TLN2: variants seen among roughly 807,000 people sequenced by gnomAD.
TLN2 encodes talin 2.
TLN2 carries 118 observed loss-of-function variants against 294.7 expected under a neutral mutation model. The observed-to-expected ratio is 0.40, with a 90% CI of 0.34 to 0.47. The LOEUF (loss-of-function observed/expected upper bound fraction) is 0.47, where lower values mean the gene tolerates loss of function less well. Ranked by LOEUF, TLN2 falls within the 20% of genes least tolerant of loss-of-function variation. The probability of loss-of-function intolerance (pLI) is 0.84; values close to 1 mark genes in which losing one functional copy is unlikely to be tolerated. For missense variants in TLN2, 3,083 were observed against 3,282.2 expected (o/e 0.94, Z 1.48); for synonymous variants, 1,431 against 1,304.5 (o/e 1.10, Z -2.09).
chr15:62,447,650 C>A (rs954528411), intron 1 of TLN2, among the ~76,000 whole-genome samples: 1 of 151,968 alleles, frequency 6.6e-6, no homozygotes, highest in East Asian at 1.9e-4. Context: ...CCCGCCACCA[C>A]GCCCGGCTAA....
At chr15:62,483,095 C>T (rs2038198313) in intron 1 of TLN2, among the ~76,000 whole-genome samples, 1 of 152,204 alleles carries the variant, frequency 6.6e-6, no homozygotes, top group South Asian at 2.1e-4. Context: ...AGGGAAGCTC[C>T]TTTGCTGGCT....
intron 57 of TLN2, 138 bp from the exon 58 acceptor site, chr15:62,838,716 ACT>A (rs1408026316): frequency 5.5e-6 from 6 of 1,088,482 alleles, no homozygotes; most frequent in Admixed American, 2.8e-5. Flanking sequence ...ACAGATGGGT[ACT>A]CTCTGGCTAC....
intron 26 of TLN2, among the ~76,000 whole-genome samples, chr15:62,724,385 A>T (rs542844586): frequency 1.6e-4 from 24 of 152,244 alleles, no homozygotes; most frequent in Non-Finnish European, 2.6e-4. Flanking sequence ...ATATAATTAT[A>T]TGTGCATGTG....
At position 62,686,753 on chromosome 15, in the gene TLN2, C is replaced by G; in HGVS notation, c.1070C>G (p.Thr357Ser). The G allele has an allele frequency of 2.5e-6, 4 of 1,613,738 alleles. No homozygotes were observed. The highest frequency in any genetic ancestry group is 2.2e-5 in the South Asian group (2 of 91,054). ...GAAGTGCTGCAGGAGTGGCCCCTCA[C>G]CACCGTCAAGCGCTGGGCAGCCTCA... Reference protein sequence around the residue: ...TKEVLQEWPLTTVKRWAASPK... With the variant: ...TKEVLQEWPLSTVKRWAASPK... Residue 357 changes from threonine (T) to serine (S), a missense_variant, in exon 12 of 59, where the codon ACC becomes AGC. Coordinates refer to ENST00000636159, the MANE Select transcript of TLN2 (RefSeq NM_015059.3).
intron 6 of TLN2, among the ~76,000 whole-genome samples, chr15:62,652,430 T>C (rs1300028824): frequency 6.6e-6 from 1 of 152,224 alleles, no homozygotes; most frequent in Non-Finnish European, 1.5e-5. Flanking sequence ...CTATTCTATA[T>C]GAGCACTCTA....
intron 2 of TLN2, among the ~76,000 whole-genome samples, chr15:62,599,783 T>C (rs377338757): frequency 4.6e-5 from 7 of 152,296 alleles, no homozygotes; most frequent in African/African-American, 1.7e-4. Flanking sequence ...GGAGAGGTTG[T>C]TGCCGGCACA....
intron 38 of TLN2, 112 bp from the exon 39 acceptor site, chr15:62,762,160 C>G (rs2062719467): frequency 3.2e-6 from 4 of 1,243,572 alleles, no homozygotes; most frequent in Non-Finnish European, 3.4e-6. Context: ...CCCTCTTTGT[C>G]TCCTTCAAAG....
Position 62,704,503 on chromosome 15 carries a change from A to G in TLN2, c.2004+1639A>G, listed in dbSNP as rs562270758. Among the ~76,000 whole-genome samples the G allele has an allele frequency of 4.6e-5, 7 of 152,360 alleles. No homozygotes were observed. The South Asian group carries it at 1.4e-3, about 32-fold the overall frequency. On this transcript the variant is annotated intron_variant, in intron 19 of 58. Transcript: ENST00000636159. ...GATGGGATCATGTATGTTGTGAGAC[A>G]TGAAACTTCAACCTTCATCCATAGA... is the stretch of plus-strand genomic sequence containing the variant.
intron 48 of TLN2, 31 bp from the exon 49 acceptor site, chr15:62,800,337 C>G (rs1170898795): frequency 6.2e-7 from 1 of 1,608,176 alleles, no homozygotes; most frequent in Non-Finnish European, 8.5e-7. Context: ...ATCTTGACGC[C>G]TGCTCACCTG....
intron 9 of TLN2, among the ~76,000 whole-genome samples, chr15:62,670,438 A>T (rs959899940): frequency 2.0e-5 from 3 of 152,132 alleles, no homozygotes; most frequent in Non-Finnish European, 4.4e-5. Context: ...GTGCCGTCCA[A>T]TTCTCTCTGA....
chr15:62,434,627 C>T (rs2035196372), intron 1 of TLN2, among the ~76,000 whole-genome samples: 1 of 152,122 alleles, frequency 6.6e-6, no homozygotes, highest in African/African-American at 2.4e-5. Flanking sequence ...AATCATTTAA[C>T]CAACAATGTA....
Position 62,833,548 on chromosome 15 carries a change from T to C in TLN2, c.7047T>C (p.Ala2349=). 3.1e-6 allele frequency: 5 copies of C among 1,614,166 alleles called. No homozygotes were observed. Among genetic ancestry groups the C allele is most frequent in the Non-Finnish European group, 4.2e-6 (5 of 1,180,018 alleles). ...TLDFEEQILE[A]AKSIAAATSA... ...ACTTTGAGGAACAGATCTTGGAAGC[T>C]GCTAAATCCATTGCTGCTGCCACAA... is the stretch of plus-strand genomic sequence containing the variant. Residue 2349 remains alanine (A), a synonymous_variant, in exon 55 of 59, where the codon GCT becomes GCC. Coordinates refer to ENST00000636159, the MANE Select transcript of TLN2 (RefSeq NM_015059.3).
intron 1 of TLN2, among the ~76,000 whole-genome samples, chr15:62,412,143 T>C (rs898776557): frequency 3.9e-5 from 6 of 152,312 alleles, no homozygotes; most frequent in African/African-American, 1.4e-4. Flanking sequence ...TGGAAACTTG[T>C]TGGAAATGCA....
chr15:62,827,010 G>C (rs1351538818), intron 54 of TLN2, among the ~76,000 whole-genome samples: 2 of 152,202 alleles, frequency 1.3e-5, no homozygotes, highest in African/African-American at 4.8e-5. Flanking sequence ...TCTTCAGTTT[G>C]TGGAGCCAGT....
Position 62,652,009 on chromosome 15 carries a change from T to G in TLN2, c.239T>G (p.Ile80Ser). Residue 80 changes from isoleucine to serine, a missense_variant, in exon 6 of 59, where the codon ATT (isoleucine) becomes AGT (serine). Transcript: ENST00000636159. ...TGTATGTGGTTTGTGCTCTAGGATATTTTGGAATATAAAAAGAAACAGAGA... is the reference window on the plus strand; with the variant it reads ...TGTATGTGGTTTGTGCTCTAGGATAGTTTGGAATATAAAAAGAAACAGAGA... Reference protein sequence around the residue: ...LDYYMLRNGDILEYKKKQRPQ... With the variant: ...LDYYMLRNGDSLEYKKKQRPQ... 1 of 1,608,882 alleles carries G rather than the reference T, an allele frequency of 6.2e-7. No individual in the cohort carries two copies. The highest frequency in any genetic ancestry group is 8.5e-7 in the Non-Finnish European group (1 of 1,176,926).
chr15:62,577,640 G>C (rs143688490), intron 1 of TLN2, among the ~76,000 whole-genome samples: 5 of 152,196 alleles, frequency 3.3e-5, no homozygotes, highest in Non-Finnish European at 4.4e-5. Context: ...TGAGTGATGA[G>C]TACATAGGGG....
chr15:62,833,725 A>G lies in TLN2; in HGVS notation c.7128+96A>G, dbSNP rs1316589751. On this transcript the variant is annotated intron_variant, in intron 55 of 58. Coordinates refer to ENST00000636159, the MANE Select transcript of TLN2 (RefSeq NM_015059.3). ...TACAAGCTTTTGTCCTGACCAAGGA[A>G]ACACATGCAGTGCCTTCCCTCCCTG... 7.3e-6 allele frequency: 11 copies of G among 1,505,646 alleles called. No homozygotes were observed. The Admixed American group carries it at 1.9e-4, about 26-fold the overall frequency. 93.3% of individuals were successfully genotyped at this position (1,505,646 alleles called of 1,614,324 possible).
chr15:62,755,368 C>T (rs977038482), intron 36 of TLN2, 164 bp from the exon 37 acceptor site: 3 of 773,166 alleles, frequency 3.9e-6, no homozygotes, highest in African/African-American at 1.8e-5. Flanking sequence ...GATTTCTTGC[C>T]CTCCTCTTTC....
At chr15:62,455,289 G>C (rs890018323) in intron 1 of TLN2, among the ~76,000 whole-genome samples, 1 of 151,996 alleles carries the variant, frequency 6.6e-6, no homozygotes, top group Non-Finnish European at 1.5e-5. Context: ...GGACGTGATG[G>C]GGAACTCAGG....
Sources: gnomAD v4.1 joint callset for allele counts (sites outside exome capture counted in the v4.1 genomes callset) on GRCh38, gnomAD v4.1.1 for gene constraint, MANE v1.5 for transcripts, NCBI Gene and HGNC (gene_info 2026-07-23, HGNC 2026-07-21) for gene names.